The following ZBBX variants were observed in gnomAD, a reference collection of about 807,000 sequenced individuals.
ZBBX encodes zinc finger B-box domain-containing protein 1.
In ZBBX, 101 loss-of-function variants were observed where a neutral mutation model predicts 108.5. That is an observed-to-expected ratio of 0.93 (90% CI 0.79 to 1.10). The LOEUF (loss-of-function observed/expected upper bound fraction) is 1.10, where lower values mean the gene tolerates loss of function less well. Among genes scored for constraint, ZBBX ranks in the 50% least tolerant of loss-of-function variants. The probability of loss-of-function intolerance (pLI) is 0.00; values close to 1 mark genes in which losing one functional copy is unlikely to be tolerated. For synonymous variants in ZBBX, 356 were observed against 323.4 expected (o/e 1.10, Z -1.08); for missense variants, 1,009 against 941.4 (o/e 1.07, Z -0.94).
intron 2 of ZBBX, among the ~76,000 whole-genome samples, chr3:167,374,629 A>C (rs1746662614): frequency 6.6e-6 from 1 of 152,158 alleles, no homozygotes; most frequent in Non-Finnish European, 1.5e-5. Context: ...CAATGTGCTG[A>C]GAGGTATGGA....
intron 6 of ZBBX, 40 bp downstream of exon 6, chr3:167,365,846 G>T: frequency 6.8e-7 from 1 of 1,460,362 alleles, no homozygotes; most frequent in Non-Finnish European, 9.5e-7. Context: ...ATATCTTCTT[G>T]CTTAGCAAAA....
chr3:167,347,552 A>C (rs1005505693), intron 9 of ZBBX, among the ~76,000 whole-genome samples: 1 of 152,052 alleles, frequency 6.6e-6, no homozygotes, highest in Non-Finnish European at 1.5e-5. Context: ...TTTCATTTAA[A>C]ATTTTTGTTT....
At chr3:167,206,174 A>G in the ZBBX span, among the ~76,000 whole-genome samples, 28 of 151,862 alleles carry the variant, frequency 1.8e-4, 1 homozygote, top group Non-Finnish European at 3.7e-4. Flanking sequence ...CCACCATTCT[A>G]TTATCCATTT....
chr3:167,224,726 T>G, the ZBBX span, among the ~76,000 whole-genome samples: 1 of 151,930 alleles, frequency 6.6e-6, no homozygotes, highest in African/African-American at 2.4e-5. Flanking sequence ...AAATTAAATA[T>G]ACAATCATGT....
At chr3:167,228,982 G>A in the ZBBX span, among the ~76,000 whole-genome samples, 1 of 151,756 alleles carries the variant, frequency 6.6e-6, no homozygotes, top group Non-Finnish European at 1.5e-5. Flanking sequence ...GTTGCTTCCT[G>A]CTCCTATAGA....
chr3:167,349,873 T>C (rs1317651069), intron 9 of ZBBX, among the ~76,000 whole-genome samples: 1 of 152,040 alleles, frequency 6.6e-6, no homozygotes, highest in African/African-American at 2.4e-5. Context: ...GTTTAAGTAT[T>C]AGAATCTTAA....
At chr3:167,317,626 G>A in intron 12 of ZBBX, 29 bp from the exon 13 acceptor site, 1 of 1,487,694 alleles carries the variant, frequency 6.7e-7, no homozygotes, top group Non-Finnish European at 9.3e-7. Context: ...GCAATTAAGA[G>A]ACTGAAATAT....
rs1490557543 is a variant in ZBBX, at chr3:167,368,648, T to G, written c.69-74A>C. ...AAAATAATTTTATATAATCTTTTCC[T>G]GTTAAATTAGAATCATGAATAATAA... On this transcript the variant is annotated intron_variant, in intron 4 of 21. Transcript: ENST00000675490. 2.9e-6 allele frequency: 4 copies of G among 1,358,396 alleles called. No individual in the cohort carries two copies. In the Admixed American group the frequency reaches 1.2e-4, roughly 40 times the overall value. 84.1% of individuals were successfully genotyped at this position (1,358,396 alleles called of 1,614,324 possible). A position where few individuals can be genotyped will look rare whatever the true frequency, so the allele number is the denominator to read the frequency against.
chr3:167,369,890 G>C (rs1745897872), intron 4 of ZBBX, among the ~76,000 whole-genome samples: 1 of 152,188 alleles, frequency 6.6e-6, no homozygotes, highest in Non-Finnish European at 1.5e-5. Flanking sequence ...AGGTAGCAAA[G>C]AGCAATGGGT....
the ZBBX span, among the ~76,000 whole-genome samples, chr3:167,178,880 T>A: frequency 6.6e-6 from 1 of 152,104 alleles, no homozygotes; most frequent in Non-Finnish European, 1.5e-5. Context: ...TTAGTCCCTG[T>A]CTCCCCGCTT....
intron 9 of ZBBX, among the ~76,000 whole-genome samples, chr3:167,350,101 C>T (rs780164873): frequency 5.3e-5 from 8 of 151,730 alleles, no homozygotes; most frequent in Non-Finnish European, 1.2e-4. Context: ...TTTAAAATAA[C>T]CTATGTGTTC....
chr3:167,397,770 A>G (rs1232839284), intron 1 of ZBBX, among the ~76,000 whole-genome samples: 1 of 151,966 alleles, frequency 6.6e-6, no homozygotes, highest in Middle Eastern at 3.4e-3. Flanking sequence ...TTTCAAAAGG[A>G]AAAATGTCCT....
chr3:167,400,746 A>G (rs957448300), intron 1 of ZBBX, among the ~76,000 whole-genome samples: 1 of 152,088 alleles, frequency 6.6e-6, no homozygotes, highest in African/African-American at 2.4e-5. Context: ...GAGAGACATG[A>G]GACATCAGTC....
chr3:167,400,768 G>A (rs530048300), intron 1 of ZBBX, among the ~76,000 whole-genome samples: 22 of 152,026 alleles, frequency 1.4e-4, no homozygotes, highest in Non-Finnish European at 1.8e-4. Context: ...ACATATGTAA[G>A]ATGAACATTG....
At chr3:167,349,153 C>CTA (rs1742216236) in intron 9 of ZBBX, among the ~76,000 whole-genome samples, 1 of 152,212 alleles carries the variant, frequency 6.6e-6, no homozygotes, top group African/African-American at 2.4e-5. Context: ...CCTACAACAG[C>CTA]TAGCACAGGG....
chr3:167,310,909 TA>T (rs1734468536), intron 16 of ZBBX, among the ~76,000 whole-genome samples: 1 of 152,220 alleles, frequency 6.6e-6, no homozygotes, highest in Non-Finnish European at 1.5e-5. Context: ...ATTGTTAAGA[TA>T]TTTTTTCCCA....
chr3:167,358,431 G>T (rs951696447), intron 8 of ZBBX, among the ~76,000 whole-genome samples: 1 of 151,976 alleles, frequency 6.6e-6, no homozygotes, highest in African/African-American at 2.4e-5. Flanking sequence ...TTTGCAAGAT[G>T]AAAACAGTTC....
chr3:167,322,338 G>T, intron 11 of ZBBX, 101 bp from the exon 12 acceptor site: 1 of 969,034 alleles, frequency 1.0e-6, no homozygotes. Context: ...GGGCATATAT[G>T]CTTTAATATT....
At chr3:167,399,014 T>C (rs997103021) in intron 1 of ZBBX, among the ~76,000 whole-genome samples, 5 of 150,768 alleles carry the variant, frequency 3.3e-5, no homozygotes, top group African/African-American at 1.2e-4. Context: ...CTCAGCCCCC[T>C]CACCATGTGA....
Sources: gnomAD v4.1 joint callset for allele counts (sites outside exome capture counted in the v4.1 genomes callset) on GRCh38, gnomAD v4.1.1 for gene constraint, MANE v1.5 for transcripts, NCBI Gene and HGNC (gene_info 2026-07-23, HGNC 2026-07-21) for gene names.